DSCAM: variants seen among roughly 807,000 people sequenced by gnomAD.
DSCAM encodes the protein cell adhesion molecule DSCAM.
DSCAM carries 47 observed loss-of-function variants against 217.7 expected under a neutral mutation model. The observed-to-expected ratio is 0.22, with a 90% confidence interval of 0.17 to 0.28. The LOEUF (loss-of-function observed/expected upper bound fraction) is 0.28. DSCAM is among the 10% of genes least tolerant of loss of function. The pLI, the probability that DSCAM is intolerant of heterozygous loss-of-function variation, is 1.00. For synonymous variants in DSCAM, 1,056 were observed against 1,015.3 expected (o/e 1.04, Z -0.76); for missense variants, 2,080 against 2,618.3 (o/e 0.79, Z 4.49).
At chr21:40,074,284 C>T (rs750683111) in intron 27 of DSCAM, among the ~76,000 whole-genome samples, 2 of 152,162 alleles carry the variant, frequency 1.3e-5, no homozygotes, top group African/African-American at 2.4e-5. Context: ...TTGTAATACA[C>T]GTTACCGAAA....
chr21:40,618,098 T>C (rs2089429011), intron 3 of DSCAM, among the ~76,000 whole-genome samples: 1 of 152,074 alleles, frequency 6.6e-6, no homozygotes, highest in African/African-American at 2.4e-5. Flanking sequence ...GCGGGACTGA[T>C]TAAAAAGGTG....
chr21:40,821,772 CCTA>C (rs2091930214), intron 1 of DSCAM, among the ~76,000 whole-genome samples: 1 of 151,888 alleles, frequency 6.6e-6, no homozygotes, highest in African/African-American at 2.4e-5. Context: ...AAACCAAATA[CCTA>C]CTACGTGTCA....
At chr21:40,832,232 C>T (rs1181970259) in intron 1 of DSCAM, among the ~76,000 whole-genome samples, 1 of 152,200 alleles carries the variant, frequency 6.6e-6, no homozygotes, top group African/African-American at 2.4e-5. Flanking sequence ...ACAATATTCA[C>T]ATCTAGTAAT....
intron 3 of DSCAM, among the ~76,000 whole-genome samples, chr21:40,452,753 C>T (rs2075730802): frequency 6.6e-6 from 1 of 151,724 alleles, no homozygotes; most frequent in Non-Finnish European, 1.5e-5. Flanking sequence ...TGATGCAAAC[C>T]ATTCTCTACC....
chr21:40,245,115 TAAAC>T (rs764356224), intron 11 of DSCAM, among the ~76,000 whole-genome samples: 1 of 152,064 alleles, frequency 6.6e-6, no homozygotes, highest in African/African-American at 2.4e-5. Flanking sequence ...TGAGAGAAAA[TAAAC>T]AAAGAATCAC....
chr21:40,471,883 T>G (rs1409207965), intron 3 of DSCAM, among the ~76,000 whole-genome samples: 1 of 152,188 alleles, frequency 6.6e-6, no homozygotes, highest in Non-Finnish European at 1.5e-5. Flanking sequence ...CATGTTGGTG[T>G]GCTGCACCCG....
At chr21:40,250,653 A>G (rs1030610403) in intron 11 of DSCAM, among the ~76,000 whole-genome samples, 2 of 152,214 alleles carry the variant, frequency 1.3e-5, no homozygotes, top group Non-Finnish European at 2.9e-5. Flanking sequence ...CCCTCACATT[A>G]AGACACTTTC....
At chr21:40,111,838 A>C (rs899926555) in intron 20 of DSCAM, among the ~76,000 whole-genome samples, 3 of 152,068 alleles carry the variant, frequency 2.0e-5, no homozygotes, top group African/African-American at 7.2e-5. Context: ...CATAATGGTA[A>C]AGGGATCAAT....
intron 11 of DSCAM, among the ~76,000 whole-genome samples, chr21:40,216,358 T>C (rs1332311980): frequency 6.6e-6 from 1 of 151,950 alleles, no homozygotes; most frequent in Non-Finnish European, 1.5e-5. Context: ...AAGTGATCCT[T>C]CCACCTCGGC....
At chr21:40,183,472 A>AG (rs555890792) in intron 14 of DSCAM, among the ~76,000 whole-genome samples, 151 of 152,318 alleles carry the variant, frequency 9.9e-4, no homozygotes, top group African/African-American at 3.6e-3. Flanking sequence ...GACCAGAGTT[A>AG]GGGGGGCAGG....
intron 18 of DSCAM, among the ~76,000 whole-genome samples, chr21:40,136,980 C>T (rs1018905240): frequency 1.3e-5 from 2 of 151,966 alleles, no homozygotes; most frequent in Admixed American, 6.5e-5. Context: ...CGAGACCATC[C>T]TGGCTAACAC....
intron 1 of DSCAM, among the ~76,000 whole-genome samples, chr21:40,726,420 A>G (rs537086091): frequency 4.3e-4 from 65 of 152,186 alleles, no homozygotes; most frequent in Admixed American, 8.5e-4. Context: ...GAAAAAGATA[A>G]GAAAAGAGGG....
intron 10 of DSCAM, among the ~76,000 whole-genome samples, chr21:40,295,507 GAGA>G (rs1396393804): frequency 6.6e-6 from 1 of 152,148 alleles, no homozygotes; most frequent in African/African-American, 2.4e-5. Context: ...CAGGGAACAT[GAGA>G]CAATCGCAAT....
intron 11 of DSCAM, among the ~76,000 whole-genome samples, chr21:40,201,456 T>A (rs2091068926): frequency 6.6e-6 from 1 of 152,130 alleles, no homozygotes; most frequent in Non-Finnish European, 1.5e-5. Context: ...TTTATTTATT[T>A]ATTAGACGGA....
intron 32 of DSCAM, among the ~76,000 whole-genome samples, chr21:40,022,621 G>A (rs1229247691): frequency 6.6e-6 from 1 of 152,170 alleles, no homozygotes; most frequent in Non-Finnish European, 1.5e-5. Flanking sequence ...CACCCGCTGA[G>A]GCAGGAGCTG....
chr21:40,209,757 C>T (rs2837506), intron 11 of DSCAM, among the ~76,000 whole-genome samples: 9,092 of 152,124 alleles, frequency 0.06, 415 homozygotes, highest in East Asian at 0.13. Context: ...AGGCCCGTGA[C>T]CATCAGCTTA....
intron 3 of DSCAM, among the ~76,000 whole-genome samples, chr21:40,679,169 T>C (rs555269781): frequency 6.6e-6 from 1 of 152,228 alleles, no homozygotes; most frequent in African/African-American, 2.4e-5. Context: ...GAAAAAAATA[T>C]AGAAAAGCAA....
intron 3 of DSCAM, among the ~76,000 whole-genome samples, chr21:40,551,979 G>A (rs2076633509): frequency 6.6e-6 from 1 of 152,132 alleles, no homozygotes; most frequent in South Asian, 2.1e-4. Context: ...TTTACAGTAA[G>A]GAGGCAGCTG....
intron 3 of DSCAM, among the ~76,000 whole-genome samples, chr21:40,417,055 T>A (rs929844874): frequency 1.3e-5 from 2 of 152,170 alleles, no homozygotes; most frequent in Non-Finnish European, 2.9e-5. Context: ...TCTGACTATA[T>A]CTGTAACTCT....
Sources: allele counts gnomAD v4.1 joint callset (sites outside exome capture counted in the v4.1 genomes callset), GRCh38; gene constraint gnomAD v4.1.1; transcripts MANE v1.5; gene names NCBI Gene and HGNC (gene_info 2026-07-23, HGNC 2026-07-21).